TTC28: variants seen among roughly 807,000 people sequenced by gnomAD.
TTC28 encodes tetratricopeptide repeat protein 28.
TTC28 carries 61 observed loss-of-function variants against 198.0 expected under a neutral mutation model. That is an observed-to-expected ratio of 0.31 (90% CI 0.25 to 0.38). The LOEUF (loss-of-function observed/expected upper bound fraction) is 0.38. Among genes scored for constraint, TTC28 ranks in the 10% least tolerant of loss-of-function variants. The pLI, the probability that TTC28 is intolerant of heterozygous loss-of-function variation, is 1.00. For missense variants in TTC28, 2,678 were observed against 3,164.0 expected (o/e 0.85, Z 3.69); for synonymous variants, 1,171 against 1,297.8 (o/e 0.90, Z 2.10).
intron 2 of TTC28, among the ~76,000 whole-genome samples, chr22:28,576,259 C>T (rs186238878): frequency 5.3e-5 from 8 of 151,544 alleles, no homozygotes; most frequent in East Asian, 1.9e-4. Flanking sequence ...ATATGGGTTT[C>T]GGCCTTTGTT....
At chr22:28,516,989 TATA>T (rs775204184) in intron 2 of TTC28, among the ~76,000 whole-genome samples, 1 of 152,212 alleles carries the variant, frequency 6.6e-6, no homozygotes, top group Non-Finnish European at 1.5e-5. Context: ...TAATACTCAT[TATA>T]ACTCCTGTTA....
At chr22:28,598,479 A>G (rs1367782355) in intron 2 of TTC28, among the ~76,000 whole-genome samples, 2 of 137,280 alleles carry the variant, frequency 1.5e-5, no homozygotes, top group Admixed American at 8.5e-5. Context: ...ACTGCACTCC[A>G]GCCTGGGCAA....
intron 2 of TTC28, among the ~76,000 whole-genome samples, chr22:28,382,751 A>C (rs899516044): frequency 3.9e-5 from 6 of 152,234 alleles, no homozygotes. Context: ...ACTGCAAAAC[A>C]AAAGTAGAAC....
intron 2 of TTC28, among the ~76,000 whole-genome samples, chr22:28,318,947 T>C (rs537883837): frequency 1.3e-5 from 2 of 150,578 alleles, no homozygotes; most frequent in Non-Finnish European, 2.9e-5. Context: ...GCCTTGCAAG[T>C]AGTTAGGACT....
intron 2 of TTC28, among the ~76,000 whole-genome samples, chr22:28,508,483 C>A (rs2048642383): frequency 2.0e-5 from 3 of 152,018 alleles, no homozygotes; most frequent in African/African-American, 7.2e-5. Context: ...CGGGGTTTCA[C>A]CATGTTGGCG....
chr22:28,170,658 C>T (rs1466287910), intron 5 of TTC28, among the ~76,000 whole-genome samples: 2 of 152,052 alleles, frequency 1.3e-5, no homozygotes, highest in Non-Finnish European at 2.9e-5. Flanking sequence ...GAGATGTTTA[C>T]CATGATGACT....
At chr22:28,659,227 AAC>A (rs1230602524) in intron 1 of TTC28, among the ~76,000 whole-genome samples, 1 of 152,204 alleles carries the variant, frequency 6.6e-6, no homozygotes, top group African/African-American at 2.4e-5. Context: ...AATGTCTCTA[AAC>A]ATTCAACTGT....
chr22:28,613,471 C>G (rs1442651290), intron 2 of TTC28, among the ~76,000 whole-genome samples: 1 of 152,142 alleles, frequency 6.6e-6, no homozygotes, highest in African/African-American at 2.4e-5. Context: ...CATCCTGATA[C>G]CAAAAATGGG....
rs1936975417 is a variant in TTC28 at position 27,980,581 on chromosome 22, C to T, written c.*1640G>A. On this transcript the variant is annotated 3_prime_UTR_variant, in exon 23 of 23. Coordinates refer to ENST00000397906, the MANE Select transcript of TTC28 (RefSeq NM_001145418.2). ...ATGGTTAAAACCCCCACCTGGGGAT[C>T]CTGAGGTCAGTGCCCCCTGCCAGGC... 1 of 152,294 alleles carries T rather than the reference C, an allele frequency of 6.6e-6. No individual in the cohort carries two copies. The highest frequency in any genetic ancestry group is 2.1e-4 in the South Asian group (1 of 4,838). The allele number at this position is 152,294 out of a possible 1,614,324, so 9.4% of individuals were successfully genotyped here. A position where few individuals can be genotyped will look rare whatever the true frequency, so the allele number is the denominator to read the frequency against.
At chr22:28,484,846 A>T (rs1031703508) in intron 2 of TTC28, among the ~76,000 whole-genome samples, 7 of 152,234 alleles carry the variant, frequency 4.6e-5, no homozygotes, top group Non-Finnish European at 1.0e-4. Flanking sequence ...TAGAATCCTC[A>T]AACATGATTG....
intron 5 of TTC28, among the ~76,000 whole-genome samples, chr22:28,199,535 A>ATATATG (rs1925725329): frequency 6.8e-6 from 1 of 147,342 alleles, no homozygotes; most frequent in Non-Finnish European, 1.5e-5. Context: ...CTATACATAT[A>ATATATG]TATATATATA....
At chr22:28,287,126 A>G (rs2044700038) in intron 5 of TTC28, among the ~76,000 whole-genome samples, 1 of 152,214 alleles carries the variant, frequency 6.6e-6, no homozygotes, top group Admixed American at 6.5e-5. Context: ...GACTCATTAA[A>G]AAGCTATAAT....
chr22:28,156,677 T>C (rs1358659369), intron 6 of TTC28, among the ~76,000 whole-genome samples: 2 of 152,170 alleles, frequency 1.3e-5, no homozygotes, highest in African/African-American at 2.4e-5. Flanking sequence ...GAATATCTAC[T>C]AGGCAGTTGG....
At chr22:28,378,113 T>A (rs1426271815) in intron 2 of TTC28, among the ~76,000 whole-genome samples, 1 of 151,922 alleles carries the variant, frequency 6.6e-6, no homozygotes, top group African/African-American at 2.4e-5. Context: ...AGGGCCAAGG[T>A]GGGCAGATTA....
At chr22:28,135,696 T>G (rs1943182769) in intron 6 of TTC28, among the ~76,000 whole-genome samples, 1 of 151,856 alleles carries the variant, frequency 6.6e-6, no homozygotes, top group Non-Finnish European at 1.5e-5. Flanking sequence ...TGTAAAAGAG[T>G]ACCTAAGAGA....
chr22:28,364,786 A>C (rs1205400352), intron 2 of TTC28, among the ~76,000 whole-genome samples: 1 of 152,214 alleles, frequency 6.6e-6, no homozygotes, highest in Non-Finnish European at 1.5e-5. Flanking sequence ...TCTCATGATA[A>C]AGCTTGAACA....
chr22:28,468,690 ATTTTTT>A (rs35984422), intron 2 of TTC28, among the ~76,000 whole-genome samples: 93 of 122,294 alleles, frequency 7.6e-4, no homozygotes, highest in South Asian at 1.7e-3. Flanking sequence ...CGCCCGGCTA[ATTTTTT>A]TTTTTTTTTT....
intron 6 of TTC28, among the ~76,000 whole-genome samples, chr22:28,134,318 G>C (rs1327031373): frequency 1.3e-5 from 2 of 152,216 alleles, no homozygotes; most frequent in Non-Finnish European, 2.9e-5. Flanking sequence ...CCCTCCAAAG[G>C]AATGCAGCTC....
chr22:28,381,634 A>T (rs992357493), intron 2 of TTC28, among the ~76,000 whole-genome samples: 7 of 152,116 alleles, frequency 4.6e-5, no homozygotes, highest in African/African-American at 1.7e-4. Context: ...TTACAGGGAG[A>T]ACAGAGGTTT....
Sources: allele counts gnomAD v4.1 joint callset (sites outside exome capture counted in the v4.1 genomes callset), GRCh38; gene constraint gnomAD v4.1.1; transcripts MANE v1.5; gene names NCBI Gene and HGNC (gene_info 2026-07-23, HGNC 2026-07-21).